Variants in LRP2 observed in about 807,000 individuals in gnomAD.
LRP2 encodes the protein low-density lipoprotein receptor-related protein 2.
In LRP2, 172 loss-of-function variants were observed where a neutral mutation model predicts 531.0. The observed-to-expected ratio is 0.32, with a 90% CI of 0.29 to 0.37. The LOEUF (loss-of-function observed/expected upper bound fraction) is 0.37, where lower values mean the gene tolerates loss of function less well. Ranked by LOEUF, LRP2 falls within the 10% of genes least tolerant of loss-of-function variation. The pLI is 1.00. For missense variants in LRP2, 5,167 were observed against 5,868.3 expected (o/e 0.88, Z 3.90); for synonymous variants, 1,992 against 2,027.6 (o/e 0.98, Z 0.47).
intron 17 of LRP2, among the ~76,000 whole-genome samples, chr2:169,257,726 T>A (rs933737585): frequency 2.0e-5 from 3 of 149,916 alleles, no homozygotes; most frequent in Non-Finnish European, 3.0e-5. Flanking sequence ...GAAGAAAGCA[T>A]CCAAATCAAT....
intron 18 of LRP2, 139 bp downstream of exon 18, chr2:169,256,985 C>T: frequency 1.1e-6 from 1 of 933,414 alleles, no homozygotes. Flanking sequence ...TATCCTTCTC[C>T]CATCACCAAT....
Position 169,127,480 on chromosome 2 carries a change from C to G in LRP2, c.*1183G>C, listed in dbSNP as rs1685136898. 3 of 131,358 alleles carry G rather than the reference C, an allele frequency of 2.3e-5. No homozygotes were observed. The highest frequency in any genetic ancestry group is 9.1e-5 in the Admixed American group (1 of 10,960). 8.1% of individuals were successfully genotyped at this position (131,358 alleles called of 1,614,324 possible). A position where few individuals can be genotyped will look rare whatever the true frequency, so the allele number is the denominator to read the frequency against. The stretch of plus-strand genomic sequence containing the variant: ...TCAGGAGGCTGAGGTGGGAGGATCA[C>G]TTGAGCCCAGGACTTCAAGATCAGC... On this transcript the variant is annotated 3_prime_UTR_variant, in exon 79 of 79. Coordinates refer to ENST00000649046, the MANE Select transcript of LRP2 (RefSeq NM_004525.3).
chr2:169,294,074 G>A (rs1684073689), intron 6 of LRP2, 74 bp downstream of exon 6: 1 of 1,029,834 alleles, frequency 9.7e-7, no homozygotes, highest in Non-Finnish European at 1.5e-6. Flanking sequence ...GGAGCGGGGG[G>A]ATAAAACAAA....
At chr2:169,238,056 C>T (rs926904272) in intron 27 of LRP2, 35 bp downstream of exon 27, 1 of 1,582,232 alleles carries the variant, frequency 6.3e-7, no homozygotes, top group South Asian at 1.1e-5. Flanking sequence ...GACAGAGGAA[C>T]TAGCCAGGCC....
intron 1 of LRP2, among the ~76,000 whole-genome samples, chr2:169,358,342 T>C (rs1476209280): frequency 1.3e-5 from 2 of 152,140 alleles, no homozygotes; most frequent in African/African-American, 4.8e-5. Flanking sequence ...CCTGGGCTAA[T>C]TGCTTATCTG....
chr2:169,311,490 T>A (rs570330688), intron 3 of LRP2, among the ~76,000 whole-genome samples: 85 of 152,348 alleles, frequency 5.6e-4, no homozygotes, highest in African/African-American at 1.9e-3. Context: ...GTTGTTCAGT[T>A]TCCATGTAGT....
intron 14 of LRP2, among the ~76,000 whole-genome samples, chr2:169,273,941 CA>C (rs1197909028): frequency 1.3e-5 from 2 of 151,998 alleles, no homozygotes; most frequent in Non-Finnish European, 2.9e-5. Context: ...CAGATATTTC[CA>C]AAAATGTTTT....
chr2:169,197,260 CA>C lies in LRP2; in HGVS notation c.8579-231del, dbSNP rs145613993. Among the ~76,000 whole-genome samples, 5,229 of 139,514 alleles carry C rather than the reference CA, an allele frequency of 0.037. 122 individuals carry two copies. Among genetic ancestry groups the C allele is most frequent in the South Asian group, 0.1 (454 of 4,396 alleles). The allele number at this position is 139,514 out of a possible 152,430, so 91.5% of individuals were successfully genotyped here. A position where few individuals can be genotyped will look rare whatever the true frequency, so the allele number is the denominator to read the frequency against. On this transcript the variant is annotated intron_variant, in intron 45 of 78. Transcript: ENST00000649046. ...ATTTGTTTTTCTAGATTCCAGAAAT[CA>C]AAAAAAAAAAATTGTATTTGTTAGA...
chr2:169,177,700 G>A, intron 53 of LRP2, 103 bp downstream of exon 53: 1 of 982,214 alleles, frequency 1.0e-6, no homozygotes, highest in Admixed American at 1.7e-5. Flanking sequence ...ACACTAACAA[G>A]TGCAACAAAC....
At chr2:169,141,816 C>T (rs1395492534) in intron 71 of LRP2, among the ~76,000 whole-genome samples, 1 of 152,084 alleles carries the variant, frequency 6.6e-6, no homozygotes, top group Non-Finnish European at 1.5e-5. Flanking sequence ...TCCCCAGTAG[C>T]GTTGGGATGA....
chr2:169,212,055 T>C lies in LRP2; in HGVS notation c.6193A>G (p.Ile2065Val). 6.2e-7 allele frequency: 1 copy of C among 1,613,928 alleles called. No homozygotes were observed. The highest frequency in any genetic ancestry group is 1.1e-5 in the South Asian group (1 of 91,080). ...NRSCSPYNSF[I>V]VVSMLSAIRG... is the part of the protein sequence containing the mutation. ...ATTGCAGACAGCATTGAAACAACAATGAAAGAGTTATATGGAGAGCAGGAC... is the reference window on the plus strand; with the variant it reads ...ATTGCAGACAGCATTGAAACAACAACGAAAGAGTTATATGGAGAGCAGGAC... Residue 2065 changes from isoleucine to valine, a missense_variant, in exon 37 of 79, where the codon ATT becomes GTT. Physicochemically the swap from Ile to Val is conservative, Grantham distance 29 (BLOSUM62 3). Transcript: ENST00000649046.
Position 169,270,640 on chromosome 2 carries a change from G to T in LRP2, c.2320+264C>A, listed in dbSNP as rs567218832. Among the ~76,000 whole-genome samples the T allele has an allele frequency of 3.9e-3, 585 of 151,384 alleles. 2 individuals carry two copies. Among genetic ancestry groups the T allele is most frequent in the African/African-American group, 0.014 (558 of 41,206 alleles). On this transcript the variant is annotated intron_variant, in intron 16 of 78. Transcript: ENST00000649046. Reference sequence around the variant, plus strand: ...GGGAGGGGGAGGGATAGCATTAGGAGATATACCTAACATAAATGACGAGTT... The same window carrying T: ...GGGAGGGGGAGGGATAGCATTAGGATATATACCTAACATAAATGACGAGTT...
intron 75 of LRP2, among the ~76,000 whole-genome samples, chr2:169,137,710 C>A (rs1685569653): frequency 6.8e-6 from 1 of 146,330 alleles, no homozygotes; most frequent in African/African-American, 2.6e-5. Flanking sequence ...AATTATTATG[C>A]AAAGTAACAT....
chr2:169,265,762 T>A (rs2673175), intron 16 of LRP2, among the ~76,000 whole-genome samples: 2 of 152,050 alleles, frequency 1.3e-5, no homozygotes, highest in South Asian at 2.1e-4. Context: ...ATCATGTAAC[T>A]TGTTTCAGCA....
At chr2:169,138,756 CAAAAACA>C (rs771139919) in intron 74 of LRP2, 50 bp from the exon 75 acceptor site, 34 of 1,604,434 alleles carry the variant, frequency 2.1e-5, no homozygotes, top group Non-Finnish European at 2.8e-5. Flanking sequence ...ACAACAACAA[CAAAAACA>C]ACAAATACAA....
rs992506166 is a variant in LRP2, at chr2:169,127,869, T to C, written c.*794A>G. On this transcript the variant is annotated 3_prime_UTR_variant, in exon 79 of 79. Coordinates refer to ENST00000649046, the MANE Select transcript of LRP2 (RefSeq NM_004525.3). Reference sequence around the variant, plus strand: ...TTGAATGTCAGGTGAGGGGAGAAATTGCTCCAGGGTCCATCAGCAGAAGAG... The same window carrying C: ...TTGAATGTCAGGTGAGGGGAGAAATCGCTCCAGGGTCCATCAGCAGAAGAG... 6.6e-6 allele frequency: 1 copy of C among 152,312 alleles called. No individual in the cohort carries two copies. The highest frequency in any genetic ancestry group is 6.6e-5 in the Admixed American group (1 of 15,258). 9.4% of individuals were successfully genotyped at this position (152,312 alleles called of 1,614,324 possible).
At chr2:169,318,949 C>T (rs1684840097) in intron 2 of LRP2, 65 bp from the exon 3 acceptor site, 1 of 1,598,100 alleles carries the variant, frequency 6.3e-7, no homozygotes, top group Non-Finnish European at 8.6e-7. Flanking sequence ...GCAAGCAATG[C>T]TTGTTCCAGA....
chr2:169,177,992 C>G lies in LRP2; in HGVS notation c.10204G>C (p.Val3402Leu). Residue 3402 changes from valine to leucine, a missense_variant, in exon 53 of 79, where the codon GTG becomes CTG. Val to Leu is a conservative substitution (Grantham distance 32). Transcript: ENST00000649046. The stretch of plus-strand genomic sequence containing the variant: ...GGGTGAGGCAGTGCCCCATCATACA[C>G]CGTGTGTCGATGGTGGCCCTCCAAA... Reference protein sequence around the residue: ...SDLEGHHRHTVYDGALPHPFA... With the variant: ...SDLEGHHRHTLYDGALPHPFA... 6.2e-7 allele frequency: 1 copy of G among 1,614,038 alleles called. No individual in the cohort carries two copies. Among genetic ancestry groups the G allele is most frequent in the Admixed American group, 1.7e-5 (1 of 60,026 alleles).
chr2:169,162,818 G>A (rs1453901454), intron 62 of LRP2, among the ~76,000 whole-genome samples: 1 of 152,216 alleles, frequency 6.6e-6, no homozygotes, highest in African/African-American at 2.4e-5. Context: ...GCAATGAAAA[G>A]CACACGTGCC....
Sources: gnomAD v4.1 joint callset for allele counts (sites outside exome capture counted in the v4.1 genomes callset) on GRCh38, gnomAD v4.1.1 for gene constraint, MANE v1.5 for transcripts, NCBI Gene and HGNC (gene_info 2026-07-23, HGNC 2026-07-21) for gene names.